PACRG: variants seen among roughly 807,000 people sequenced by gnomAD.
PACRG encodes the protein parkin coregulated gene protein.
In PACRG, 29 loss-of-function variants were observed where a neutral mutation model predicts 29.7. The observed-to-expected ratio is 0.98, with a 90% CI of 0.73 to 1.33. The LOEUF (loss-of-function observed/expected upper bound fraction) is 1.33. PACRG is among the 40% of genes most tolerant of loss of function. PACRG has a pLI of 0.00. For missense variants in PACRG, 279 were observed against 316.2 expected (o/e 0.88, Z 0.89); for synonymous variants, 116 against 118.7 (o/e 0.98, Z 0.15).
At chr6:162,826,436 T>C (rs1213782521) in intron 2 of PACRG, among the ~76,000 whole-genome samples, 1 of 151,970 alleles carries the variant, frequency 6.6e-6, no homozygotes, top group Non-Finnish European at 1.5e-5. Context: ...ATTTCAGTAC[T>C]GGAGTAAAGA....
At chr6:163,189,239 A>G (rs183781274) in intron 4 of PACRG, among the ~76,000 whole-genome samples, 50 of 152,388 alleles carry the variant, frequency 3.3e-4, no homozygotes, top group African/African-American at 1.2e-3. Context: ...TGAGATGGAC[A>G]TAAGGGATTT....
rs144324113 is a variant in PACRG, at chr6:163,180,654, T to C, written c.613+91246T>C. 1.8e-3 allele frequency among the ~76,000 whole-genome samples: 278 copies of C among 152,194 alleles called. 1 individual carries two copies. The highest frequency in any genetic ancestry group is 6.3e-3 in the African/African-American group (261 of 41,532). ...AAAATAAAAATAAAAATTCATTGAG[T>C]TTAAGAGGGGTTTTTTGTATGGTTA... On this transcript the variant is annotated intron_variant, in intron 4 of 4. Coordinates refer to ENST00000366888, the MANE Select transcript of PACRG (RefSeq NM_001080379.2).
At chr6:162,749,096 T>G (rs925818041) in intron 1 of PACRG, among the ~76,000 whole-genome samples, 15 of 150,020 alleles carry the variant, frequency 1.0e-4, no homozygotes, top group African/African-American at 3.6e-4. Flanking sequence ...CATTTGTATG[T>G]AATACTTTAT....
intron 1 of PACRG, among the ~76,000 whole-genome samples, chr6:162,734,627 A>T (rs1304790984): frequency 1.3e-5 from 2 of 152,162 alleles, no homozygotes; most frequent in Non-Finnish European, 2.9e-5. Flanking sequence ...TTTTCCAACC[A>T]ATCTTATGAA....
At chr6:163,022,093 C>T (rs1214943697) in intron 2 of PACRG, among the ~76,000 whole-genome samples, 4 of 152,220 alleles carry the variant, frequency 2.6e-5, no homozygotes, top group African/African-American at 9.6e-5. Flanking sequence ...GCCAGACACA[C>T]ACCTGCTGCT....
intron 3 of PACRG, among the ~76,000 whole-genome samples, chr6:163,062,984 C>A (rs1562879593): frequency 1.3e-5 from 2 of 152,138 alleles, no homozygotes; most frequent in Admixed American, 1.3e-4. Context: ...CCATTCTTAC[C>A]TTGCTGCCAG....
intron 2 of PACRG, among the ~76,000 whole-genome samples, chr6:162,845,002 C>G (rs1025703195): frequency 6.6e-6 from 1 of 151,880 alleles, no homozygotes; most frequent in Admixed American, 6.6e-5. Context: ...AGTCATAAAG[C>G]TGATGTGCTT....
At chr6:163,296,089 C>T (rs1784769945) in intron 4 of PACRG, among the ~76,000 whole-genome samples, 1 of 152,200 alleles carries the variant, frequency 6.6e-6, no homozygotes, top group Non-Finnish European at 1.5e-5. Context: ...CGTGGAAACC[C>T]ATTTTACTTT....
At chr6:163,019,657 G>C (rs919133457) in intron 2 of PACRG, among the ~76,000 whole-genome samples, 3 of 152,174 alleles carry the variant, frequency 2.0e-5, no homozygotes, top group Non-Finnish European at 1.5e-5. Context: ...CACCGTTGCT[G>C]TGGTCACATG....
At chr6:162,827,906 A>G (rs1232904887) in intron 2 of PACRG, among the ~76,000 whole-genome samples, 1 of 152,032 alleles carries the variant, frequency 6.6e-6, no homozygotes, top group African/African-American at 2.4e-5. Context: ...TGGGGAAACC[A>G]GCATATGCTA....
intron 2 of PACRG, among the ~76,000 whole-genome samples, chr6:162,941,353 CT>C (rs1798617740): frequency 6.6e-6 from 1 of 152,150 alleles, no homozygotes; most frequent in African/African-American, 2.4e-5. Flanking sequence ...ATGACGTTCC[CT>C]TCCACGTGTG....
chr6:162,877,129 T>C (rs1562689713), intron 2 of PACRG, among the ~76,000 whole-genome samples: 1 of 152,186 alleles, frequency 6.6e-6, no homozygotes, highest in Non-Finnish European at 1.5e-5. Context: ...TAAAGACACA[T>C]GCACACGTAA....
At chr6:162,770,449 C>A (rs1390481825) in intron 1 of PACRG, among the ~76,000 whole-genome samples, 1 of 152,114 alleles carries the variant, frequency 6.6e-6, no homozygotes, top group African/African-American at 2.4e-5. Context: ...CTCTAGCTTT[C>A]TCATAAATCA....
chr6:163,246,440 T>C (rs1437405106), intron 4 of PACRG, among the ~76,000 whole-genome samples: 2 of 152,032 alleles, frequency 1.3e-5, no homozygotes, highest in African/African-American at 4.8e-5. Context: ...TTCTAAGTGA[T>C]CCAGACCTAC....
At chr6:162,996,373 A>G (rs1804049324) in intron 2 of PACRG, among the ~76,000 whole-genome samples, 1 of 152,188 alleles carries the variant, frequency 6.6e-6, no homozygotes, top group Non-Finnish European at 1.5e-5. Flanking sequence ...CCCATAATGG[A>G]GGTGATAAAA....
At chr6:163,017,506 A>G (rs1806218257) in intron 2 of PACRG, among the ~76,000 whole-genome samples, 1 of 152,162 alleles carries the variant, frequency 6.6e-6, no homozygotes, top group South Asian at 2.1e-4. Context: ...AAGCAAATTA[A>G]CCAAAAGAGA....
At chr6:162,994,696 G>T (rs926879547) in intron 2 of PACRG, among the ~76,000 whole-genome samples, 5 of 140,144 alleles carry the variant, frequency 3.6e-5, no homozygotes, top group South Asian at 4.5e-4. Flanking sequence ...ATGTCCTCCC[G>T]TAGCTCAGAG....
chr6:163,262,184 A>G (rs993878026), intron 4 of PACRG, among the ~76,000 whole-genome samples: 3 of 152,224 alleles, frequency 2.0e-5, no homozygotes, highest in Non-Finnish European at 4.4e-5. Flanking sequence ...CGTTTTTCAC[A>G]CTGTCGTGTT....
At chr6:163,284,697 A>G (rs1445431681) in intron 4 of PACRG, among the ~76,000 whole-genome samples, 1 of 151,630 alleles carries the variant, frequency 6.6e-6, no homozygotes, top group Non-Finnish European at 1.5e-5. Context: ...AGCCGCCCCC[A>G]ACCCCCGCTC....
Sources: gnomAD v4.1 joint callset for allele counts (sites outside exome capture counted in the v4.1 genomes callset) on GRCh38, gnomAD v4.1.1 for gene constraint, MANE v1.5 for transcripts, NCBI Gene and HGNC (gene_info 2026-07-23, HGNC 2026-07-21) for gene names.